COQ8A: variants seen among roughly 807,000 people sequenced by gnomAD.
COQ8A encodes coenzyme Q8A, also known as atypical kinase COQ8A, mitochondrial.
Under a neutral mutation model 65.0 loss-of-function variants are expected in COQ8A, and 51 were observed. That is an observed-to-expected ratio of 0.78 (90% CI 0.63 to 0.99). The LOEUF is 0.99. Among genes scored for constraint, COQ8A ranks in the 50% least tolerant of loss-of-function variants. The pLI is 0.00. For missense variants in COQ8A, 940 were observed against 875.0 expected (o/e 1.07, Z -0.94); for synonymous variants, 371 against 353.2 (o/e 1.05, Z -0.57).
chr1:226,956,969 C>T (rs1572032037), intron 1 of COQ8A, among the ~76,000 whole-genome samples: 1 of 125,474 alleles, frequency 8.0e-6, no homozygotes, highest in African/African-American at 3.1e-5. Flanking sequence ...CTCTCCCTGG[C>T]TGCCACTCTC....
chr1:226,958,637 T>C (rs1283121082), intron 1 of COQ8A, among the ~76,000 whole-genome samples: 2 of 152,082 alleles, frequency 1.3e-5, no homozygotes, highest in Non-Finnish European at 2.9e-5. Context: ...CCGGTTGACT[T>C]TTTATTTTGG....
intron 4 of COQ8A, among the ~76,000 whole-genome samples, chr1:226,975,723 C>T (rs961513951): frequency 3.9e-5 from 6 of 152,156 alleles, no homozygotes; most frequent in African/African-American, 1.2e-4. Context: ...GTTCCTGGCC[C>T]GGCGAGTGCT....
At chr1:226,954,052 A>C (rs546231039) in intron 1 of COQ8A, among the ~76,000 whole-genome samples, 3 of 152,376 alleles carry the variant, frequency 2.0e-5, no homozygotes, top group Non-Finnish European at 4.4e-5. Flanking sequence ...GTGAAAAGAC[A>C]GTTCCTGGCT....
intron 4 of COQ8A, among the ~76,000 whole-genome samples, chr1:226,970,295 G>A (rs1302765064): frequency 2.0e-5 from 3 of 152,156 alleles, no homozygotes; most frequent in Non-Finnish European, 4.4e-5. Context: ...GAAATGTGTC[G>A]TTAGGCAGTT....
At chr1:226,977,177 GC>G (rs1659289434) in intron 4 of COQ8A, among the ~76,000 whole-genome samples, 1 of 152,174 alleles carries the variant, frequency 6.6e-6, no homozygotes, top group African/African-American at 2.4e-5. Context: ...GTGTCCGTGT[GC>G]CCGTGAGCCT....
At chr1:226,973,106 CA>C (rs1658992558) in intron 4 of COQ8A, among the ~76,000 whole-genome samples, 1 of 152,224 alleles carries the variant, frequency 6.6e-6, no homozygotes, top group South Asian at 2.1e-4. Context: ...GACAGGGCTG[CA>C]TACAAGGCCA....
chr1:226,968,317 A>T (rs1252125331), intron 4 of COQ8A, among the ~76,000 whole-genome samples: 1 of 152,244 alleles, frequency 6.6e-6, no homozygotes, highest in African/African-American at 2.4e-5. Flanking sequence ...TGGGGGCGAC[A>T]GAGTGAGACT....
At chr1:226,981,299 C>G (rs1445460737) in intron 5 of COQ8A, among the ~76,000 whole-genome samples, 1 of 152,218 alleles carries the variant, frequency 6.6e-6, no homozygotes, top group East Asian at 1.9e-4. Context: ...CTGGGCCACA[C>G]GCCTGCTGGC....
rs566605159 is a variant in COQ8A at position 226,949,214 on chromosome 1, C to T, written c.-10+8815C>T. On this transcript the variant is annotated intron_variant, in intron 1 of 14. Coordinates refer to ENST00000366777, the MANE Select transcript of COQ8A (RefSeq NM_020247.5). This position sits in a 1 kb window ranked among gnomAD's most constrained non-coding sequence, Gnocchi z 4.0. ...CGTAGCTGGAGGCTGGAAAGGAGGC[C>T]GGGGGCCTGATTTCGATGCCTGGGA... Among the ~76,000 whole-genome samples the T allele has an allele frequency of 2.6e-5, 4 of 151,762 alleles. No homozygotes were observed. The highest frequency in any genetic ancestry group is 4.2e-4 in the South Asian group (2 of 4,770).
chr1:226,952,625 T>C (rs925519601), intron 1 of COQ8A, among the ~76,000 whole-genome samples: 2 of 152,170 alleles, frequency 1.3e-5, no homozygotes, highest in African/African-American at 4.8e-5. Flanking sequence ...TTTCCCGGGT[T>C]GGTCTTAAAC....
intron 1 of COQ8A, among the ~76,000 whole-genome samples, chr1:226,950,386 A>G (rs1050011725): frequency 2.0e-5 from 3 of 152,240 alleles, no homozygotes; most frequent in African/African-American, 7.2e-5. Flanking sequence ...AGCCTGGGAC[A>G]TCAAAAACAC....
intron 2 of COQ8A, 34 bp downstream of exon 2, chr1:226,961,596 A>C: frequency 6.3e-7 from 1 of 1,589,482 alleles, no homozygotes; most frequent in Non-Finnish European, 8.6e-7. Flanking sequence ...GGGTGCTGGC[A>C]GGAAGAGGGT....
At chr1:226,979,939 C>T (rs1228206955) in intron 5 of COQ8A, among the ~76,000 whole-genome samples, 6 of 152,232 alleles carry the variant, frequency 3.9e-5, no homozygotes, top group Non-Finnish European at 7.3e-5. Flanking sequence ...TCCAGACTAC[C>T]TCATCCAAGC....
intron 1 of COQ8A, among the ~76,000 whole-genome samples, chr1:226,944,121 G>A (rs577785537): frequency 2.5e-4 from 38 of 152,186 alleles, no homozygotes; most frequent in African/African-American, 8.9e-4. Flanking sequence ...CCAGAGAGGA[G>A]GGAGGAGGGA....
In COQ8A at chr1:226,983,562, T is replaced by C; in HGVS notation, c.1091T>C (p.Val364Ala). Residue 364 changes from valine to alanine, a missense_variant, in exon 9 of 15, where the codon GTG becomes GCG. Coordinates refer to ENST00000366777, the MANE Select transcript of COQ8A (RefSeq NM_020247.5). ...EVAMKIQYPG[V>A]AQSINSDVNN... The stretch of plus-strand genomic sequence containing the variant: ...CCCATACCCCCACAGTACCCTGGCG[T>C]GGCCCAGAGCATCAACAGTGATGTC... 6.2e-7 allele frequency: 1 copy of C among 1,613,848 alleles called. No homozygotes were observed. Among genetic ancestry groups the C allele is most frequent in the South Asian group, 1.1e-5 (1 of 91,090 alleles).
chr1:226,971,508 C>T lies in COQ8A; in HGVS notation c.655+5771C>T, dbSNP rs184311362. On this transcript the variant is annotated intron_variant, in intron 4 of 14. Coordinates refer to ENST00000366777, the MANE Select transcript of COQ8A (RefSeq NM_020247.5). ...TGGAGGTTGCAGTGAGCCAAGATGG[C>T]GGCGTTGCACTCCAGCCTGGATGAC... Among the ~76,000 whole-genome samples, 904 of 151,406 alleles carry T rather than the reference C, an allele frequency of 6.0e-3. 8 individuals are homozygous for T. The highest frequency in any genetic ancestry group is 0.02 in the African/African-American group (842 of 41,090).
chr1:226,983,220 T>C, intron 8 of COQ8A, 186 bp downstream of exon 8: 1 of 991,040 alleles, frequency 1.0e-6, no homozygotes, highest in Non-Finnish European at 1.4e-6. Flanking sequence ...ATTTGCTAAA[T>C]GAGTGACTTT....
chr1:226,987,037 G>A lies in COQ8A; in HGVS notation c.*300G>A, dbSNP rs1408860336. 1.1e-5 allele frequency: 5 copies of A among 463,046 alleles called. No individual in the cohort carries two copies. Among genetic ancestry groups the A allele is most frequent in the South Asian group, 1.1e-4 (5 of 46,552 alleles). The allele number at this position is 463,046 out of a possible 1,614,324, so 28.7% of individuals were successfully genotyped here. On this transcript the variant is annotated 3_prime_UTR_variant, in exon 15 of 15. Transcript: ENST00000366777. ...TTTTCTTCTTTTTCCTGATGTGAAT[G>A]TTAAGCAGAAGGGAGAGAGTCCTTA...
intron 1 of COQ8A, among the ~76,000 whole-genome samples, chr1:226,942,257 A>G (rs903359131): frequency 1.3e-5 from 2 of 152,054 alleles, no homozygotes; most frequent in African/African-American, 4.8e-5. Flanking sequence ...GGCAAAGGGT[A>G]GTGTTATGCC....
Sources: allele counts gnomAD v4.1 joint callset (sites outside exome capture counted in the v4.1 genomes callset), GRCh38; gene constraint gnomAD v4.1.1; non-coding constraint Gnocchi (gnomAD v3.1); transcripts MANE v1.5; gene names NCBI Gene and HGNC (gene_info 2026-07-23, HGNC 2026-07-21).